STAG1: variants seen among roughly 807,000 people sequenced by gnomAD.
The protein encoded by STAG1 is cohesin subunit SA-1.
A neutral mutation model predicts 170.9 loss-of-function variants in STAG1; 26 were observed. The observed-to-expected ratio is 0.15, with a 90% confidence interval of 0.11 to 0.21. The LOEUF (loss-of-function observed/expected upper bound fraction) is 0.21, where lower values mean the gene tolerates loss of function less well. Among genes scored for constraint, STAG1 ranks in the 10% least tolerant of loss-of-function variants. The probability of loss-of-function intolerance (pLI) is 1.00; values close to 1 mark genes in which losing one functional copy is unlikely to be tolerated. For missense variants in STAG1, 964 were observed against 1,509.5 expected (o/e 0.64, Z 5.99); for synonymous variants, 514 against 497.7 (o/e 1.03, Z -0.44).
intron 1 of STAG1, among the ~76,000 whole-genome samples, chr3:136,638,477 T>A (rs1256043567): frequency 1.3e-5 from 2 of 152,096 alleles, no homozygotes; most frequent in African/African-American, 4.8e-5. Flanking sequence ...TAAACAGTTG[T>A]TGAATTAAAA....
intron 1 of STAG1, among the ~76,000 whole-genome samples, chr3:136,641,781 T>A (rs1940807982): frequency 6.6e-6 from 1 of 152,212 alleles, no homozygotes; most frequent in African/African-American, 2.4e-5. Context: ...TAATTAATAG[T>A]ATCATATCAG....
chr3:136,542,906 T>G (rs1198342104), intron 5 of STAG1, among the ~76,000 whole-genome samples: 6 of 152,140 alleles, frequency 3.9e-5, no homozygotes, highest in Non-Finnish European at 8.8e-5. Context: ...TTTCCCGGTA[T>G]CAGACCCATG....
intron 16 of STAG1, among the ~76,000 whole-genome samples, chr3:136,428,172 C>A (rs1386504833): frequency 6.6e-6 from 1 of 152,084 alleles, no homozygotes; most frequent in Non-Finnish European, 1.5e-5. Flanking sequence ...CTAATCTACT[C>A]ATTTGTGCAA....
intron 6 of STAG1, among the ~76,000 whole-genome samples, chr3:136,530,778 A>G (rs1460350909): frequency 6.6e-6 from 1 of 152,218 alleles, no homozygotes; most frequent in Non-Finnish European, 1.5e-5. Context: ...GTAGGATGAA[A>G]GTTTATAGAA....
intron 13 of STAG1, among the ~76,000 whole-genome samples, chr3:136,464,395 T>C (rs2107798179): frequency 6.6e-6 from 1 of 150,862 alleles, no homozygotes; most frequent in African/African-American, 2.4e-5. Context: ...TGTACTGTAG[T>C]CTGGGCAACA....
intron 20 of STAG1, among the ~76,000 whole-genome samples, chr3:136,419,076 A>T (rs930300445): frequency 3.9e-5 from 6 of 152,252 alleles, no homozygotes; most frequent in Non-Finnish European, 8.8e-5. Flanking sequence ...GAAAGCTCAA[A>T]AACTGCATTA....
intron 22 of STAG1, among the ~76,000 whole-genome samples, chr3:136,381,347 G>C (rs567077698): frequency 3.6e-4 from 55 of 152,226 alleles, no homozygotes; most frequent in African/African-American, 1.3e-3. Flanking sequence ...AGAAATCTAA[G>C]AAATTATTTG....
chr3:136,369,081 T>C (rs1937192987), intron 24 of STAG1, 27 bp downstream of exon 24: 3 of 1,451,556 alleles, frequency 2.1e-6, no homozygotes, highest in South Asian at 1.5e-5. Context: ...AAAAAATCAA[T>C]ATTGACAAGA....
At chr3:136,656,790 G>C (rs1284034599) in intron 1 of STAG1, among the ~76,000 whole-genome samples, 1 of 151,958 alleles carries the variant, frequency 6.6e-6, no homozygotes, top group Non-Finnish European at 1.5e-5. Flanking sequence ...CGCACCTGAG[G>C]TCCTACAAGT....
intron 28 of STAG1, among the ~76,000 whole-genome samples, chr3:136,356,057 G>GTT (rs77325026): frequency 3.2e-4 from 43 of 134,842 alleles, no homozygotes; most frequent in African/African-American, 4.3e-4. Flanking sequence ...TTGTCTGCCT[G>GTT]TTTTTTTTTT....
chr3:136,496,900 G>A (rs1476287688), intron 9 of STAG1, among the ~76,000 whole-genome samples: 1 of 151,826 alleles, frequency 6.6e-6, no homozygotes, highest in Non-Finnish European at 1.5e-5. Flanking sequence ...AGGAAGCAGG[G>A]GGAAAAGGAG....
intron 1 of STAG1, among the ~76,000 whole-genome samples, chr3:136,692,848 A>C (rs1942772031): frequency 6.6e-6 from 1 of 152,180 alleles, no homozygotes; most frequent in Non-Finnish European, 1.5e-5. Flanking sequence ...CTCAACAGAT[A>C]TTAGGCAAAA....
rs200132855 is a variant in STAG1, at chr3:136,551,198, T to TGAGAGAGA, written c.395-9011_395-9004dup. 2.4e-3 allele frequency among the ~76,000 whole-genome samples: 105 copies of TGAGAGAGA among 43,118 alleles called. 4 individuals carry two copies. The highest frequency in any genetic ancestry group is 3.3e-3 in the Non-Finnish European group (79 of 24,278). The allele number at this position is 43,118 out of a possible 152,430, so 28.3% of individuals were successfully genotyped here. Reference sequence around the variant, plus strand: ...TTTTTTTTGAGAGAGAGAGAGAGGTTGAGAGAGAGTGAGAGAGAGAGAGAG... The same window carrying TGAGAGAGA: ...TTTTTTTTGAGAGAGAGAGAGAGGTTGAGAGAGAGAGAGAGAGTGAGAGAGAGAGAGAG... On this transcript the variant is annotated intron_variant, in intron 5 of 33. Transcript: ENST00000383202.
intron 4 of STAG1, 46 bp downstream of exon 4, chr3:136,604,263 T>G: frequency 1.9e-6 from 3 of 1,546,244 alleles, no homozygotes; most frequent in Non-Finnish European, 2.6e-6. Flanking sequence ...CCACCCAAGT[T>G]ATTAACTGTA....
chr3:136,370,731 G>T (rs1217767676), intron 23 of STAG1, among the ~76,000 whole-genome samples: 1 of 152,194 alleles, frequency 6.6e-6, no homozygotes, highest in Non-Finnish European at 1.5e-5. Context: ...TGGTGTATAT[G>T]TGCCACATTT....
chr3:136,492,760 A>T (rs1053780889), intron 9 of STAG1, among the ~76,000 whole-genome samples: 2 of 152,240 alleles, frequency 1.3e-5, no homozygotes, highest in African/African-American at 4.8e-5. Flanking sequence ...TTCCACGGGA[A>T]AAAATGAAGA....
chr3:136,743,232 G>A (rs1362975763), intron 1 of STAG1, among the ~76,000 whole-genome samples: 1 of 152,090 alleles, frequency 6.6e-6, no homozygotes, highest in African/African-American at 2.4e-5. Flanking sequence ...GTCAGGCGTA[G>A]TGGAGGGCAC....
chr3:136,463,229 G>C (rs1464003850), intron 13 of STAG1, among the ~76,000 whole-genome samples: 2 of 151,896 alleles, frequency 1.3e-5, no homozygotes, highest in African/African-American at 2.4e-5. Context: ...AGCATGCCCA[G>C]TAAGTAGCTG....
intron 1 of STAG1, among the ~76,000 whole-genome samples, chr3:136,718,819 C>A (rs772296136): frequency 6.6e-6 from 1 of 151,820 alleles, no homozygotes; most frequent in Non-Finnish European, 1.5e-5. Flanking sequence ...CCCAGCTACT[C>A]GGGAGGCTGA....
Sources: allele counts gnomAD v4.1 joint callset (sites outside exome capture counted in the v4.1 genomes callset), GRCh38; gene constraint gnomAD v4.1.1; transcripts MANE v1.5; gene names NCBI Gene and HGNC (gene_info 2026-07-23, HGNC 2026-07-21).